Variants in ZNF91 observed in about 807,000 individuals in gnomAD.
ZNF91 encodes the protein zinc finger protein 91 (HPF7, HTF10).
Under a neutral mutation model 12.6 loss-of-function variants are expected in ZNF91, and 7 were observed. That is an observed-to-expected ratio of 0.55 (90% CI 0.31 to 1.04). The LOEUF is 1.04. Ranked by LOEUF, ZNF91 falls within the 50% of genes least tolerant of loss-of-function variation. The pLI is 0.05. For missense variants in ZNF91, 1,217 were observed against 1,385.4 expected, an observed-to-expected ratio of 0.88 and a Z score of 1.93; for synonymous variants, 453 against 462.6, an observed-to-expected ratio of 0.98 and a Z score of 0.27.
downstream of ZNF91, among the ~76,000 whole-genome samples, chr19:23,355,466 G>A (rs1968463267): frequency 6.6e-6 from 1 of 152,062 alleles, no homozygotes. Context: ...ATGGATTAAG[G>A]ACTTAAACCT....
chr19:23,337,093 T>C (rs1405508969), downstream of ZNF91, among the ~76,000 whole-genome samples: 4 of 152,154 alleles, frequency 2.6e-5, no homozygotes, highest in Non-Finnish European at 4.4e-5. Flanking sequence ...TCGAATAATG[T>C]ACATTATAAC....
chr19:23,341,240 G>A (rs1968117916), intron 3 of ZNF91, among the ~76,000 whole-genome samples: 1 of 151,772 alleles, frequency 6.6e-6, no homozygotes, highest in African/African-American at 2.4e-5. Context: ...TAGTAGAGAC[G>A]GGGTTTCACC....
intron 3 of ZNF91, among the ~76,000 whole-genome samples, chr19:23,345,090 A>G (rs1968195608): frequency 1.3e-5 from 2 of 152,230 alleles, no homozygotes; most frequent in Non-Finnish European, 2.9e-5. Context: ...GGCATGTGCC[A>G]GGCACTTGCT....
At position 23,395,331 on chromosome 19, in the gene ZNF91, T is replaced by G. The variant is rs759353536; in HGVS notation, c.24A>C (p.Leu8=). 1.2e-5 allele frequency: 19 copies of G among 1,613,744 alleles called. No individual in the cohort carries two copies. The highest frequency in any genetic ancestry group is 1.5e-5 in the Non-Finnish European group (18 of 1,179,880). Reference sequence around the variant, plus strand: ...TCGCACCTGGCAGTCTCACCATTTCTAGGCTTCCAGGGGTTCCTGGCATCT... The same window carrying G: ...TCGCACCTGGCAGTCTCACCATTTCGAGGCTTCCAGGGGTTCCTGGCATCT... The part of the protein sequence containing the change: MPGTPGS[L]EMGLLTFRDV... Residue 8 remains leucine, a synonymous_variant, in exon 1 of 4, where the codon CTA becomes CTC. Coordinates refer to ENST00000300619, the MANE Select transcript of ZNF91 (RefSeq NM_003430.4).
chr19:23,351,862 G>C (rs1159635395), intron 3 of ZNF91, among the ~76,000 whole-genome samples: 1 of 152,136 alleles, frequency 6.6e-6, no homozygotes, highest in African/African-American at 2.4e-5. Flanking sequence ...CCCCATACAG[G>C]GTGGAGGAGG....
At position 23,361,614 on chromosome 19, in the gene ZNF91, A is replaced by G. The variant is rs756508224; in HGVS notation, c.1365T>C (p.Phe455=). ...ATTTGAAGGGTTTCTCTCTAGTATG[A>G]AATCTTTTATGTTTAGTAAGGCTTG... is the stretch of plus-strand genomic sequence containing the variant. ...WSSSLTKHKR[F]HTREKPFKCK... The change falls in exon 4 of 4, where the codon TTT becomes TTC. Residue 455 remains phenylalanine (F), a synonymous_variant. Transcript: ENST00000300619. 1 of 1,613,544 alleles carries G rather than the reference A, an allele frequency of 6.2e-7. No individual in the cohort carries two copies. The highest frequency in any genetic ancestry group is 2.2e-5 in the East Asian group (1 of 44,790).
chr19:23,324,625 T>G (rs1967805335), intron 1 of ZNF91: 1 of 152,018 alleles, frequency 6.6e-6, no homozygotes, highest in African/African-American at 2.4e-5. Context: ...AATCTTGCTC[T>G]GTCACCTAGG....
At position 23,374,762 on chromosome 19, in the gene ZNF91, T is replaced by C; in HGVS notation, c.33A>G (p.Gly11=). MPGTPGSLEM[G]LLTFRDVAIE... ...TGGCCACATCCCTAAATGTCAACAG[T>C]CCCTGAAAAACACACACAAACACAC... is the stretch of plus-strand genomic sequence containing the variant. Residue 11 remains glycine, a splice_region_variant and synonymous_variant, in exon 2 of 4, where the codon GGA becomes GGG. Transcript: ENST00000300619. The C allele has an allele frequency of 6.2e-7, 1 of 1,610,314 alleles. No individual in the cohort carries two copies. Among genetic ancestry groups the C allele is most frequent in the Non-Finnish European group, 8.5e-7 (1 of 1,177,968 alleles).
chr19:23,363,255 T>G (rs553984692), intron 3 of ZNF91, among the ~76,000 whole-genome samples: 6 of 152,218 alleles, frequency 3.9e-5, no homozygotes, highest in Non-Finnish European at 7.3e-5. Context: ...CCCATTCATT[T>G]TTATTTACAG....
chr19:23,329,978 C>G (rs542014713), intron 1 of ZNF91, among the ~76,000 whole-genome samples: 3 of 152,202 alleles, frequency 2.0e-5, no homozygotes, highest in African/African-American at 7.2e-5. Context: ...CTTGGCTGCA[C>G]AGCCATCCTC....
intron 1 of ZNF91, among the ~76,000 whole-genome samples, chr19:23,322,847 ACTT>A (rs1967734697): frequency 7.1e-5 from 1 of 14,048 alleles, no homozygotes; most frequent in Non-Finnish European, 1.2e-4. Flanking sequence ...CTCCTCCTCC[ACTT>A]CTCCCCCACC....
intron 1 of ZNF91, among the ~76,000 whole-genome samples, chr19:23,375,545 A>AATT (rs1327060169): frequency 1.3e-5 from 2 of 152,214 alleles, no homozygotes; most frequent in Non-Finnish European, 2.9e-5. Context: ...ATAAAGTCTG[A>AATT]ATTACTGAAT....
intron 3 of ZNF91, among the ~76,000 whole-genome samples, chr19:23,364,801 A>T (rs2145069397): frequency 6.6e-6 from 1 of 152,308 alleles, no homozygotes; most frequent in South Asian, 2.1e-4. Context: ...GTTATAAAAA[A>T]TACAACGATA....
chr19:23,356,802 T>TA (rs1417259423), downstream of ZNF91, among the ~76,000 whole-genome samples: 83 of 152,182 alleles, frequency 5.5e-4, 5 homozygotes, highest in Non-Finnish European at 1.2e-4. Flanking sequence ...CATAAACTAT[T>TA]ACACAGGCCA....
intron 1 of ZNF91, among the ~76,000 whole-genome samples, chr19:23,332,176 A>G (rs1187089902): frequency 6.6e-6 from 1 of 152,196 alleles, no homozygotes; most frequent in Non-Finnish European, 1.5e-5. Context: ...TAGACCTATT[A>G]TTAATCGATA....
At chr19:23,390,765 A>G (rs1970039632) in intron 1 of ZNF91, among the ~76,000 whole-genome samples, 1 of 152,036 alleles carries the variant, frequency 6.6e-6, no homozygotes, top group South Asian at 2.1e-4. Flanking sequence ...ATTTTTATAG[A>G]TGGGATTTTC....
At chr19:23,381,502 C>T (rs562646652) in intron 1 of ZNF91, among the ~76,000 whole-genome samples, 2 of 149,254 alleles carry the variant, frequency 1.3e-5, no homozygotes, top group South Asian at 4.2e-4. Flanking sequence ...GCTCTCATTG[C>T]CCAGGCTGGA....
chr19:23,360,453 A>G lies in ZNF91; in HGVS notation c.2526T>C (p.Ala842=), dbSNP rs939239984. The change falls in exon 4 of 4, where the codon GCT becomes GCC. Residue 842 remains alanine, a synonymous_variant. Transcript: ENST00000300619. ...CTCCAGCATGTATTATTTTATGTTT[A>G]GCAAGGGCTGAGGAGTGCTTAAAAG... ...GKAFKHSSAL[A]KHKIIHAGEK... is the part of the protein sequence containing the mutation. The G allele has an allele frequency of 6.2e-7, 1 of 1,613,926 alleles. No homozygotes were observed. The highest frequency in any genetic ancestry group is 8.5e-7 in the Non-Finnish European group (1 of 1,179,976).
intron 1 of ZNF91, among the ~76,000 whole-genome samples, chr19:23,375,015 T>C (rs1350185386): frequency 6.6e-6 from 1 of 152,192 alleles, no homozygotes; most frequent in African/African-American, 2.4e-5. Flanking sequence ...AAGTGTAAAA[T>C]TGAGGGCATA....
Sources: gnomAD v4.1 joint callset for allele counts (sites outside exome capture counted in the v4.1 genomes callset) on GRCh38, gnomAD v4.1.1 for gene constraint, MANE v1.5 for transcripts, NCBI Gene and HGNC (gene_info 2026-07-23, HGNC 2026-07-21) for gene names.